Variants in UBTD2 observed in about 807,000 individuals in gnomAD.
UBTD2 encodes ubiquitin domain containing 2, also known as ubiquitin domain-containing protein 2.
In UBTD2, 9 loss-of-function variants were observed where a neutral mutation model predicts 19.8. The ratio of observed to expected loss-of-function variants is 0.46; its 90% CI spans 0.27 to 0.79. The LOEUF (loss-of-function observed/expected upper bound fraction) is 0.79. Ranked by LOEUF, UBTD2 falls within the 30% of genes least tolerant of loss-of-function variation. UBTD2 has a pLI of 0.14. For missense variants in UBTD2, 250 were observed against 300.4 expected (o/e 0.83, Z 1.24); for synonymous variants, 98 against 103.9 (o/e 0.94, Z 0.35).
chr5:172,248,062 A>G (rs1241972703), intron 1 of UBTD2, among the ~76,000 whole-genome samples: 1 of 152,202 alleles, frequency 6.6e-6, no homozygotes, highest in African/African-American at 2.4e-5. Flanking sequence ...CACTCATACA[A>G]TGAATGGACC....
chr5:172,219,075 C>T (rs2113876153), intron 2 of UBTD2, among the ~76,000 whole-genome samples: 1 of 152,158 alleles, frequency 6.6e-6, no homozygotes, highest in Middle Eastern at 3.4e-3. Flanking sequence ...CACAATCTGC[C>T]AAAACTCACA....
intron 1 of UBTD2, among the ~76,000 whole-genome samples, chr5:172,255,795 T>C (rs946599262): frequency 3.3e-5 from 5 of 151,954 alleles, no homozygotes; most frequent in Non-Finnish European, 7.4e-5. Context: ...ACTTTTAAGA[T>C]AGATGGCAAG....
At position 172,277,670 on chromosome 5, in the gene UBTD2, C is replaced by T. The variant is rs1043187954; in HGVS notation, c.70+5926G>A. 4.6e-5 allele frequency among the ~76,000 whole-genome samples: 7 copies of T among 151,906 alleles called. No individual in the cohort carries two copies. In the East Asian group the frequency reaches 1.4e-3, roughly 29 times the overall value. ...GCAGTAGGCCATGATTACGCCATTG[C>T]ACTCCATCATGGGTAACAGAGCGAG... On this transcript the variant is annotated intron_variant, in intron 1 of 2. Transcript: ENST00000393792.
chr5:172,269,319 A>G (rs1407643359), intron 1 of UBTD2, among the ~76,000 whole-genome samples: 2 of 151,722 alleles, frequency 1.3e-5, no homozygotes, highest in African/African-American at 4.8e-5. Context: ...GTGAAACCCC[A>G]TCTCTACTAA....
chr5:172,254,641 TC>T, intron 1 of UBTD2: 1 of 623,660 alleles, frequency 1.6e-6, no homozygotes, highest in Non-Finnish European at 2.9e-6. Flanking sequence ...CTGTGTATCC[TC>T]CACTTCGAGT....
chr5:172,277,344 A>G (rs933563138), intron 1 of UBTD2, among the ~76,000 whole-genome samples: 5 of 152,180 alleles, frequency 3.3e-5, no homozygotes, highest in East Asian at 3.9e-4. Context: ...AGGTTACTTT[A>G]TATTTAAAAC....
chr5:172,228,381 G>C (rs1309913253), intron 2 of UBTD2, among the ~76,000 whole-genome samples: 1 of 152,090 alleles, frequency 6.6e-6, no homozygotes, highest in Non-Finnish European at 1.5e-5. Context: ...GTGCAAAGTG[G>C]GGACTGTTGT....
intron 1 of UBTD2, among the ~76,000 whole-genome samples, chr5:172,274,541 T>A (rs866913637): frequency 6.6e-6 from 1 of 151,976 alleles, no homozygotes; most frequent in Admixed American, 6.6e-5. Flanking sequence ...TGAAAATACA[T>A]AAGAAAGAAG....
chr5:172,251,904 C>T (rs1001828722), intron 1 of UBTD2, among the ~76,000 whole-genome samples: 2 of 152,024 alleles, frequency 1.3e-5, no homozygotes, highest in Non-Finnish European at 2.9e-5. Flanking sequence ...ATAAAGATGT[C>T]GATTACCTGG....
Position 172,211,948 on chromosome 5 carries a change from A to G in UBTD2, c.587T>C (p.Phe196Ser). 1 of 1,614,188 alleles carries G rather than the reference A, an allele frequency of 6.2e-7. No individual in the cohort carries two copies. The highest frequency in any genetic ancestry group is 8.5e-7 in the Non-Finnish European group (1 of 1,180,028). ...GVEPGSQRWF[F>S]SGRPLTDKMK... ...TTTGTCAGTGAGAGGTCTGCCAGAAAAAAACCACCGCTGACTACCTGGTTC... is the reference window on the plus strand; with the variant it reads ...TTTGTCAGTGAGAGGTCTGCCAGAAGAAAACCACCGCTGACTACCTGGTTC... Residue 196 changes from phenylalanine to serine, a missense_variant, in exon 3 of 3, where the codon TTT (phenylalanine) becomes TCT (serine). Transcript: ENST00000393792.
chr5:172,245,896 TGAAAC>T (rs1438908138), intron 1 of UBTD2, among the ~76,000 whole-genome samples: 1 of 152,304 alleles, frequency 6.6e-6, no homozygotes, highest in African/African-American at 2.4e-5. Flanking sequence ...GATTGCCTGC[TGAAAC>T]AAAACAAAAT....
At chr5:172,239,315 G>A (rs1043500390) in intron 1 of UBTD2, among the ~76,000 whole-genome samples, 5 of 152,226 alleles carry the variant, frequency 3.3e-5, no homozygotes, top group Admixed American at 1.3e-4. Context: ...CACTGGGTGC[G>A]GTGGCTCACA....
In UBTD2 at chr5:172,264,963, A is replaced by C. The variant is rs547169118; in HGVS notation, c.70+18633T>G. ...TGTCATTACTTCCTATTCATACAGT[A>C]CTCAGTATAGGCTGCACATGAAGCC... is the stretch of plus-strand genomic sequence containing the variant. On this transcript the variant is annotated intron_variant, in intron 1 of 2. Transcript: ENST00000393792. Among the ~76,000 whole-genome samples, 5 of 152,346 alleles carry C rather than the reference A, an allele frequency of 3.3e-5. No individual in the cohort carries two copies. In the South Asian group the frequency reaches 1.0e-3, roughly 32 times the overall value.
At chr5:172,220,871 T>G (rs1456330890) in intron 2 of UBTD2, among the ~76,000 whole-genome samples, 2 of 152,146 alleles carry the variant, frequency 1.3e-5, no homozygotes, top group African/African-American at 4.8e-5. Flanking sequence ...GTAAAAAATA[T>G]GAAGAATCAA....
chr5:172,251,033 G>T (rs1397809609), intron 1 of UBTD2, among the ~76,000 whole-genome samples: 1 of 151,130 alleles, frequency 6.6e-6, no homozygotes, highest in Non-Finnish European at 1.5e-5. Context: ...AGCCACTAAA[G>T]GCCGGGCACG....
chr5:172,216,778 C>A (rs1273412639), intron 2 of UBTD2, among the ~76,000 whole-genome samples: 1 of 151,760 alleles, frequency 6.6e-6, no homozygotes, highest in Non-Finnish European at 1.5e-5. Context: ...TCACCCTGAG[C>A]AACATAGTGA....
chr5:172,222,625 G>T (rs1432168234), intron 2 of UBTD2, among the ~76,000 whole-genome samples: 1 of 152,156 alleles, frequency 6.6e-6, no homozygotes, highest in Non-Finnish European at 1.5e-5. Context: ...CTGTAGAAAT[G>T]GTGTGTTCTG....
chr5:172,263,366 C>T (rs553746024), intron 1 of UBTD2, among the ~76,000 whole-genome samples: 98 of 152,108 alleles, frequency 6.4e-4, no homozygotes, highest in African/African-American at 2.1e-3. Context: ...GGGAGACTTT[C>T]GTAAGTTAAA....
intron 2 of UBTD2, among the ~76,000 whole-genome samples, chr5:172,220,409 G>A (rs1771628636): frequency 6.6e-6 from 1 of 152,238 alleles, no homozygotes; most frequent in Non-Finnish European, 1.5e-5. Flanking sequence ...GCTGAGACGG[G>A]TGGATCCCCT....
Sources: allele counts gnomAD v4.1 joint callset (sites outside exome capture counted in the v4.1 genomes callset), GRCh38; gene constraint gnomAD v4.1.1; transcripts MANE v1.5; gene names NCBI Gene and HGNC (gene_info 2026-07-23, HGNC 2026-07-21).